The following CHST9 variants were observed in gnomAD, a reference collection of about 807,000 sequenced individuals.
CHST9 encodes carbohydrate sulfotransferase 9, also known as GalNAc-4-sulfotransferase 2.
CHST9 carries 41 observed loss-of-function variants against 44.4 expected under a neutral mutation model. The observed-to-expected ratio is 0.92, with a 90% CI of 0.72 to 1.20. CHST9 has a LOEUF of 1.20. Ranked by LOEUF, CHST9 falls within the 50% of genes most tolerant of loss-of-function variation. The probability of loss-of-function intolerance (pLI) is 0.00; values close to 1 mark genes in which losing one functional copy is unlikely to be tolerated. For missense variants in CHST9, 504 were observed against 516.5 expected, an observed-to-expected ratio of 0.98 and a Z score of 0.23; for synonymous variants, 171 against 178.4, an observed-to-expected ratio of 0.96 and a Z score of 0.33.
intron 2 of CHST9, among the ~76,000 whole-genome samples, chr18:27,056,596 T>G (rs923335427): frequency 1.3e-5 from 2 of 152,172 alleles, no homozygotes; most frequent in African/African-American, 4.8e-5. Context: ...AATAATAATC[T>G]CTACATGTTT....
chr18:27,068,736 T>C (rs1390859525), intron 2 of CHST9, among the ~76,000 whole-genome samples: 1 of 152,208 alleles, frequency 6.6e-6, no homozygotes, highest in Non-Finnish European at 1.5e-5. Flanking sequence ...CTTGTGGCCT[T>C]TGGCTTACTT....
At chr18:27,141,856 T>G (rs2058570777) in intron 2 of CHST9, among the ~76,000 whole-genome samples, 1 of 152,058 alleles carries the variant, frequency 6.6e-6, no homozygotes. Context: ...TTTCTACCAA[T>G]GGAAACCATC....
intron 4 of CHST9, among the ~76,000 whole-genome samples, chr18:26,949,695 G>A (rs11872534): frequency 1.1e-3 from 172 of 152,316 alleles, no homozygotes; most frequent in African/African-American, 3.9e-3. Flanking sequence ...TAATCAGCCT[G>A]TGAATACGGG....
intron 4 of CHST9, among the ~76,000 whole-genome samples, chr18:26,951,236 AT>A (rs2056243713): frequency 6.6e-6 from 1 of 152,196 alleles, no homozygotes; most frequent in African/African-American, 2.4e-5. Flanking sequence ...TTTCTCTAAG[AT>A]TTATAATTCC....
intron 5 of CHST9, among the ~76,000 whole-genome samples, chr18:26,922,193 C>T (rs905349263): frequency 6.6e-6 from 1 of 151,456 alleles, no homozygotes; most frequent in Admixed American, 6.6e-5. Flanking sequence ...CCCTGTCCTC[C>T]ACTTGCTTTT....
intron 4 of CHST9, among the ~76,000 whole-genome samples, chr18:27,020,620 T>C (rs1053726615): frequency 6.6e-6 from 1 of 152,254 alleles, no homozygotes; most frequent in Non-Finnish European, 1.5e-5. Flanking sequence ...TTGCATTTGA[T>C]ATATTTAATG....
At chr18:27,058,537 T>A (rs77020908) in intron 2 of CHST9, among the ~76,000 whole-genome samples, 3,719 of 152,214 alleles carry the variant, frequency 0.024, 61 homozygotes, top group African/African-American at 0.039. Context: ...CTACTTTCCA[T>A]CTTTAAAAAC....
At chr18:27,097,498 A>G (rs1231688798) in intron 2 of CHST9, among the ~76,000 whole-genome samples, 1 of 152,104 alleles carries the variant, frequency 6.6e-6, no homozygotes, top group Non-Finnish European at 1.5e-5. Context: ...AAAAAACACT[A>G]AAGACTCCAC....
At chr18:27,031,179 A>G (rs192980570) in intron 3 of CHST9, among the ~76,000 whole-genome samples, 20 of 152,206 alleles carry the variant, frequency 1.3e-4, no homozygotes, top group African/African-American at 4.1e-4. Flanking sequence ...TATTTATGCA[A>G]TCTTCGCTTT....
intron 4 of CHST9, among the ~76,000 whole-genome samples, chr18:26,950,244 A>C (rs1457960338): frequency 6.6e-6 from 1 of 152,188 alleles, no homozygotes; most frequent in African/African-American, 2.4e-5. Flanking sequence ...TGAAAAGTAG[A>C]GATTATTCCT....
chr18:27,043,401 A>G (rs2057466504), intron 3 of CHST9, among the ~76,000 whole-genome samples: 3 of 152,052 alleles, frequency 2.0e-5, no homozygotes, highest in Admixed American at 1.3e-4. Context: ...TATAATCAAC[A>G]TAGATACGAC....
chr18:27,039,601 A>G (rs1390479380), intron 3 of CHST9, among the ~76,000 whole-genome samples: 1 of 152,168 alleles, frequency 6.6e-6, no homozygotes, highest in Non-Finnish European at 1.5e-5. Context: ...TTGCACAACA[A>G]TGTGAATGTA....
intron 2 of CHST9, among the ~76,000 whole-genome samples, chr18:27,103,053 T>C (rs2058188822): frequency 1.3e-5 from 2 of 152,186 alleles, no homozygotes; most frequent in Admixed American, 6.5e-5. Flanking sequence ...AGTGTGTTTG[T>C]AGACAGTGGA....
chr18:27,110,656 T>C (rs1167403238), intron 2 of CHST9, among the ~76,000 whole-genome samples: 1 of 152,200 alleles, frequency 6.6e-6, no homozygotes, highest in African/African-American at 2.4e-5. Context: ...GAGGGAACAC[T>C]GTTCATTCTC....
At chr18:27,092,727 T>C (rs906995757) in intron 2 of CHST9, among the ~76,000 whole-genome samples, 3 of 152,198 alleles carry the variant, frequency 2.0e-5, no homozygotes, top group African/African-American at 4.8e-5. Flanking sequence ...CAGGAGCAGG[T>C]TGTTCAGTTT....
intron 3 of CHST9, 83 bp downstream of exon 3, chr18:27,048,381 AT>A (rs2057528598): frequency 3.8e-6 from 4 of 1,043,258 alleles, no homozygotes; most frequent in Non-Finnish European, 4.3e-6. Context: ...TTTAGTGTGA[AT>A]TTTTGAATAA....
At chr18:26,978,732 G>A (rs1256603435) in intron 4 of CHST9, among the ~76,000 whole-genome samples, 3 of 152,026 alleles carry the variant, frequency 2.0e-5, no homozygotes, top group African/African-American at 7.2e-5. Flanking sequence ...AAATAATATC[G>A]GTCCTTCCTA....
In CHST9 at chr18:27,185,299, C is replaced by A. The variant is rs2143996801; in HGVS notation, c.-260G>T. 6.6e-6 allele frequency: 1 copy of A among 151,682 alleles called. No individual in the cohort carries two copies. The highest frequency in any genetic ancestry group is 2.0e-4 in the South Asian group (1 of 4,978). 9.4% of individuals were successfully genotyped at this position (151,682 alleles called of 1,614,324 possible). On this transcript the variant is annotated 5_prime_UTR_variant, in exon 1 of 6. Transcript: ENST00000618847. ...GGAGCGGGGACAGCTCGGAGTCGGGCGCTCACCCTGGCCCTGACCCTCCCG... is the reference window on the plus strand; with the variant it reads ...GGAGCGGGGACAGCTCGGAGTCGGGAGCTCACCCTGGCCCTGACCCTCCCG...
At chr18:27,049,050 C>G (rs2057536016) in intron 2 of CHST9, among the ~76,000 whole-genome samples, 1 of 152,094 alleles carries the variant, frequency 6.6e-6, no homozygotes. Flanking sequence ...ATGACTGACT[C>G]TTGGCAAAGG....
Sources: gnomAD v4.1 joint callset for allele counts (sites outside exome capture counted in the v4.1 genomes callset) on GRCh38, gnomAD v4.1.1 for gene constraint, MANE v1.5 for transcripts, NCBI Gene and HGNC (gene_info 2026-07-23, HGNC 2026-07-21) for gene names.